NIM1K: variants seen among roughly 807,000 people sequenced by gnomAD.
The protein encoded by NIM1K is serine/threonine-protein kinase NIM1.
A neutral mutation model predicts 37.1 loss-of-function variants in NIM1K; 35 were observed. That is an observed-to-expected ratio of 0.94 (90% CI 0.72 to 1.25). NIM1K has a LOEUF of 1.25. NIM1K is among the 50% of genes most tolerant of loss of function. The pLI, the probability that NIM1K is intolerant of heterozygous loss-of-function variation, is 0.00. For missense variants in NIM1K, 564 were observed against 548.0 expected (o/e 1.03, Z -0.29); for synonymous variants, 234 against 206.6 (o/e 1.13, Z -1.14).
intron 1 of NIM1K, chr5:43,232,247 T>C: frequency 2.8e-6 from 3 of 1,073,038 alleles, no homozygotes; most frequent in Non-Finnish European, 2.8e-6. Flanking sequence ...GTATTTACCA[T>C]GGCAAGGCTC....
At chr5:43,269,211 G>A (rs1482228667) in intron 2 of NIM1K, among the ~76,000 whole-genome samples, 3 of 150,056 alleles carry the variant, frequency 2.0e-5, no homozygotes, top group Non-Finnish European at 4.4e-5. Context: ...TCAGGAGGCT[G>A]AGGCAGGAGA....
rs111989907 is a variant in NIM1K at position 43,257,760 on chromosome 5, C to CT, written c.292+11708dup. 9.1e-3 allele frequency among the ~76,000 whole-genome samples: 1,284 copies of CT among 141,372 alleles called. 11 individuals are homozygous for CT. The highest frequency in any genetic ancestry group is 0.024 in the African/African-American group (943 of 38,820). The allele number at this position is 141,372 out of a possible 152,430, so 92.7% of individuals were successfully genotyped here. ...GGCTTTTTTGTGATGTTTTTTATAACTTTTTTTTTTTTTTTAAGCCTCTCA... is the reference window on the plus strand; with the variant it reads ...GGCTTTTTTGTGATGTTTTTTATAACTTTTTTTTTTTTTTTTAAGCCTCTCA... On this transcript the variant is annotated intron_variant, in intron 2 of 3. Transcript: ENST00000326035.
At chr5:43,252,547 G>A (rs975726352) in intron 2 of NIM1K, among the ~76,000 whole-genome samples, 1 of 147,576 alleles carries the variant, frequency 6.8e-6, no homozygotes, top group African/African-American at 2.5e-5. Context: ...GCCAGGAGCA[G>A]CTCCCAGGAC....
At position 43,277,190 on chromosome 5, in the gene NIM1K, C is replaced by A; in HGVS notation, c.426C>A (p.Thr142=). 6.2e-7 allele frequency: 1 copy of A among 1,614,052 alleles called. No individual in the cohort carries two copies. The highest frequency in any genetic ancestry group is 8.5e-7 in the Non-Finnish European group (1 of 1,180,004). The change falls in exon 3 of 4, where the codon ACC becomes ACA. Residue 142 remains threonine (T), a synonymous_variant. Coordinates refer to ENST00000326035, the MANE Select transcript of NIM1K (RefSeq NM_153361.4). ...NIIRLYEVVE[T]LSKLHLVMEY... ...TCCGCCTTTACGAAGTGGTGGAGAC[C>A]CTATCCAAGCTGCACTTGGTGATGG...
chr5:43,251,307 C>T (rs1014599471), intron 2 of NIM1K, among the ~76,000 whole-genome samples: 1 of 152,148 alleles, frequency 6.6e-6, no homozygotes, highest in Non-Finnish European at 1.5e-5. Context: ...TTTCTCTTTG[C>T]CTTAATTAGG....
At chr5:43,233,199 C>T (rs113403491) in intron 1 of NIM1K, 7 of 1,072,722 alleles carry the variant, frequency 6.5e-6, no homozygotes, top group Admixed American at 3.8e-5. Context: ...GCTGCCGAGG[C>T]GATGGTGGAG....
At chr5:43,257,019 A>C (rs554136004) in intron 2 of NIM1K, among the ~76,000 whole-genome samples, 1 of 152,246 alleles carries the variant, frequency 6.6e-6, no homozygotes, top group South Asian at 2.1e-4. Context: ...TGCATATGGA[A>C]TCACCAAGGA....
intron 2 of NIM1K, among the ~76,000 whole-genome samples, chr5:43,248,611 AGAG>A (rs1752819601): frequency 6.6e-6 from 1 of 152,122 alleles, no homozygotes; most frequent in African/African-American, 2.4e-5. Context: ...CCAATAGAAA[AGAG>A]AGAGAGGGAG....
intron 1 of NIM1K, chr5:43,225,567 C>A (rs1370246319): frequency 6.6e-6 from 1 of 152,422 alleles, no homozygotes; most frequent in Non-Finnish European, 1.5e-5. Context: ...GAATAAAGTA[C>A]ATATTCTGGG....
At position 43,233,049 on chromosome 5, in the gene NIM1K, A is replaced by G. The variant is rs527633340; in HGVS notation, c.-694-12033A>G. 17 of 1,299,246 alleles carry G rather than the reference A, an allele frequency of 1.3e-5. No homozygotes were observed. The African/African-American group carries it at 2.5e-4, about 19-fold the overall frequency. 80.5% of individuals were successfully genotyped at this position (1,299,246 alleles called of 1,614,324 possible). A position where few individuals can be genotyped will look rare whatever the true frequency, so the allele number is the denominator to read the frequency against. On this transcript the variant is annotated intron_variant, in intron 1 of 3. Coordinates refer to ENST00000326035, the MANE Select transcript of NIM1K (RefSeq NM_153361.4). ...TGTTGAAGGAGTCATCTCCTCCCCG[A>G]GTGGTCTTGTCACTTGGCATCTGGC... is the stretch of plus-strand genomic sequence containing the variant.
chr5:43,230,863 GT>G (rs1752528590), intron 1 of NIM1K, among the ~76,000 whole-genome samples: 1 of 151,998 alleles, frequency 6.6e-6, no homozygotes, highest in Non-Finnish European at 1.5e-5. Context: ...GCTTTTTTTT[GT>G]GCATGTACAA....
At chr5:43,193,867 A>G (rs1045751052) in intron 1 of NIM1K, among the ~76,000 whole-genome samples, 2 of 152,192 alleles carry the variant, frequency 1.3e-5, no homozygotes, top group African/African-American at 4.8e-5. Context: ...AGAAGCAGGA[A>G]CTGTTCTCCA....
chr5:43,213,215 TTCTTTC>T lies in NIM1K; in HGVS notation c.-695+20806_-695+20811del, dbSNP rs1481010039. Among the ~76,000 whole-genome samples the T allele has an allele frequency of 1.8e-3, 108 of 59,676 alleles. 3 individuals are homozygous for T. The highest frequency in any genetic ancestry group is 4.7e-3 in the African/African-American group (90 of 18,992). 39.1% of individuals were successfully genotyped at this position (59,676 alleles called of 152,430 possible). The stretch of plus-strand genomic sequence containing the variant: ...TTTCTTTCTTTCTTTCTTTCTTTCT[TTCTTTC>T]TTTCCTTCTTTTCTTCCTTTCTTTC... On this transcript the variant is annotated intron_variant, in intron 1 of 3. Transcript: ENST00000326035.
chr5:43,219,789 C>A (rs1372102905), intron 1 of NIM1K, among the ~76,000 whole-genome samples: 1 of 151,902 alleles, frequency 6.6e-6, no homozygotes, highest in Non-Finnish European at 1.5e-5. Flanking sequence ...ATGGTGCAGT[C>A]TTAGCTCACT....
At chr5:43,225,871 T>C (rs1348214076) in intron 1 of NIM1K, 2 of 152,408 alleles carry the variant, frequency 1.3e-5, no homozygotes, top group Non-Finnish European at 2.9e-5. Flanking sequence ...AGAGACAGCC[T>C]GATATAAAAG....
At chr5:43,253,491 G>C (rs1423874957) in intron 2 of NIM1K, among the ~76,000 whole-genome samples, 1 of 152,014 alleles carries the variant, frequency 6.6e-6, no homozygotes, top group Non-Finnish European at 1.5e-5. Context: ...GTACATGGAA[G>C]CATGAACCAG....
intron 1 of NIM1K, chr5:43,232,720 GAGGTGAACCC>G (rs1362407551): frequency 7.4e-7 from 1 of 1,354,968 alleles, no homozygotes; most frequent in East Asian, 2.3e-5. Context: ...CATGAGCGGG[GAGGTGAACCC>G]AGAACCAATT....
chr5:43,245,846 G>A lies in NIM1K; in HGVS notation c.71G>A (p.Ser24Asn), dbSNP rs763847048. Residue 24 changes from serine to asparagine, a missense_variant, in exon 2 of 4, where the codon AGT becomes AAT. Ser to Asn is a conservative substitution (Grantham distance 46). Transcript: ENST00000326035. ...PHYARWDRRD[S>N]VESGCQTESS... is the part of the protein sequence containing the mutation. ...TATGCCCGGTGGGATCGGCGCGACA[G>A]TGTAGAAAGTGGCTGTCAGACCGAG... 6.2e-7 allele frequency: 1 copy of A among 1,614,138 alleles called. No homozygotes were observed.
intron 2 of NIM1K, among the ~76,000 whole-genome samples, chr5:43,255,754 AAAAG>A (rs1554016081): frequency 3.4e-4 from 45 of 131,894 alleles, no homozygotes; most frequent in East Asian, 2.6e-3. Context: ...TCTCAAAAAA[AAAAG>A]AAAGAAAGAA....
Sources: gnomAD v4.1 joint callset for allele counts (sites outside exome capture counted in the v4.1 genomes callset) on GRCh38, gnomAD v4.1.1 for gene constraint, MANE v1.5 for transcripts, NCBI Gene and HGNC (gene_info 2026-07-23, HGNC 2026-07-21) for gene names.